SETD1A: variants seen among roughly 807,000 people sequenced by gnomAD.
The protein encoded by SETD1A is histone-lysine N-methyltransferase SETD1A.
In SETD1A, 29 loss-of-function variants were observed where a neutral mutation model predicts 149.9. The observed-to-expected ratio is 0.19, with a 90% CI of 0.14 to 0.26. SETD1A has a LOEUF of 0.26. SETD1A is among the 10% of genes least tolerant of loss of function. SETD1A has a pLI of 1.00. For synonymous variants in SETD1A, 1,141 were observed against 968.5 expected, an observed-to-expected ratio of 1.18 and a Z score of -3.31; for missense variants, 2,109 against 2,353.1, an observed-to-expected ratio of 0.90 and a Z score of 2.15.
At position 30,984,078 on chromosome 16, in the gene SETD1A, T is replaced by C; in HGVS notation, c.*55T>C. ...ATTTATTCCCCCTGGTGCCCTGAGC[T>C]CCCAGCACCCCCCCAGCCTTAGTGG... On this transcript the variant is annotated 3_prime_UTR_variant, in exon 19 of 19. Transcript: ENST00000262519. The C allele has an allele frequency of 6.6e-7, 1 of 1,512,942 alleles. No homozygotes were observed. The allele number at this position is 1,512,942 out of a possible 1,614,324, so 93.7% of individuals were successfully genotyped here.
At position 30,958,810 on chromosome 16, in the gene SETD1A, G is replaced by A; in HGVS notation, c.79G>A (p.Ala27Thr). The A allele has an allele frequency of 6.2e-7, 1 of 1,614,174 alleles. No homozygotes were observed. Among genetic ancestry groups the A allele is most frequent in the Non-Finnish European group, 8.5e-7 (1 of 1,179,982 alleles). ...WRNYKLIVDP[A>T]LDPALRRPSQ... ...GAACTACAAGCTCATCGTGGATCCT[G>A]CCTTGGACCCTGCCCTGCGCAGGCC... Residue 27 changes from alanine to threonine, a missense_variant, in exon 2 of 19, where the codon GCC becomes ACC. This residue lies in a region of SETD1A where 75 missense variants were observed against 95.3 expected (regional missense o/e 0.79). Transcript: ENST00000262519.
Position 30,965,918 on chromosome 16 carries a change from C to T in SETD1A, c.2037C>T (p.Ser679=). The T allele has an allele frequency of 6.2e-7, 1 of 1,612,688 alleles. No individual in the cohort carries two copies. The highest frequency in any genetic ancestry group is 8.5e-7 in the Non-Finnish European group (1 of 1,179,444). The change falls in exon 8 of 19, where the codon TCC becomes TCT. Residue 679 remains serine (S), a synonymous_variant. Coordinates refer to ENST00000262519, the MANE Select transcript of SETD1A (RefSeq NM_014712.3). ...LGAQWGGMPM[S]FQMQTQMLTR... ...CTCAGTGGGGAGGGATGCCCATGTC[C>T]TTCCAGATGCAGACCCAGATGTTAA... is the stretch of plus-strand genomic sequence containing the variant.
At chr16:30,960,521 A>G (rs1019714606) in intron 3 of SETD1A, among the ~76,000 whole-genome samples, 1 of 152,130 alleles carries the variant, frequency 6.6e-6, no homozygotes, top group East Asian at 1.9e-4. Context: ...AACACCATGT[A>G]TGCGTCAGCT....
In SETD1A at chr16:30,971,846, C is replaced by T. The variant is rs546034541; in HGVS notation, c.3358+127C>T. 1.1e-5 allele frequency: 14 copies of T among 1,225,724 alleles called. No homozygotes were observed. In the East Asian group the frequency reaches 2.8e-4, roughly 24 times the overall value. 75.9% of individuals were successfully genotyped at this position (1,225,724 alleles called of 1,614,324 possible). A position where few individuals can be genotyped will look rare whatever the true frequency, so the allele number is the denominator to read the frequency against. Reference sequence around the variant, plus strand: ...GAAAAACATACAAAGAAAATGTCACCATCTCCTGTCACTACCTTCTAGAGA... The same window carrying T: ...GAAAAACATACAAAGAAAATGTCACTATCTCCTGTCACTACCTTCTAGAGA... On this transcript the variant is annotated intron_variant, in intron 13 of 18. Transcript: ENST00000262519.
chr16:30,982,076 G>A (rs1320531810), intron 17 of SETD1A, among the ~76,000 whole-genome samples: 1 of 152,250 alleles, frequency 6.6e-6, no homozygotes, highest in East Asian at 1.9e-4. Context: ...TGGTGCTTGA[G>A]TAAAGCTGAA....
chr16:30,958,127 G>C (rs1316167129), intron 1 of SETD1A, among the ~76,000 whole-genome samples, 163 bp downstream of exon 1: 1 of 149,778 alleles, frequency 6.7e-6, no homozygotes, highest in Non-Finnish European at 1.5e-5. Flanking sequence ...GGGAGCGGGT[G>C]AGTGGGGCCG....
chr16:30,966,811 C>A (rs551206249), intron 8 of SETD1A, 73 bp from the exon 9 acceptor site: 1 of 1,452,918 alleles, frequency 6.9e-7, no homozygotes, highest in East Asian at 2.5e-5. Flanking sequence ...TCCTGGGGTC[C>A]GGGAGTAGGT....
At position 30,979,804 on chromosome 16, in the gene SETD1A, G is replaced by T; in HGVS notation, c.4018G>T (p.Glu1340Ter). ...SPADEVLEAP[E>*]VVVAEAEEPK... ...AGCTGATGAGGTCCTGGAGGCCCCCGAGGTGGTGGTGGCTGAGGCGGAGGA... is the reference window on the plus strand; with the variant it reads ...AGCTGATGAGGTCCTGGAGGCCCCCTAGGTGGTGGTGGCTGAGGCGGAGGA... The change falls in exon 14 of 19, where the codon GAG becomes TAG. Residue 1340 changes from glutamate (E) to a stop codon, truncating the protein, a stop_gained. Transcript: ENST00000262519. LOFTEE classifies it high-confidence loss of function. 1 of 1,573,328 alleles carries T rather than the reference G, an allele frequency of 6.4e-7. No homozygotes were observed.
At chr16:30,958,225 C>A in intron 1 of SETD1A, 1 of 152,052 alleles carries the variant, frequency 6.6e-6, no homozygotes, top group Non-Finnish European at 1.5e-5. Flanking sequence ...TTCCCCCCAC[C>A]CCCCCGCCCG....
rs2056200600 is a variant in SETD1A at position 30,969,677 on chromosome 16, G to A, written c.3004G>A (p.Glu1002Lys). ...TGTGGATACCACAAAGAAGGAGACAGAGGTGTCGGATGGTGAGCACAAGAC... is the reference window on the plus strand; with the variant it reads ...TGTGGATACCACAAAGAAGGAGACAAAGGTGTCGGATGGTGAGCACAAGAC... ...EAVDTTKKET[E>K]VSDGEDEESD... Residue 1002 changes from glutamate to lysine, a missense_variant, in exon 12 of 19, where the codon GAG becomes AAG. Coordinates refer to ENST00000262519, the MANE Select transcript of SETD1A (RefSeq NM_014712.3). The A allele has an allele frequency of 1.2e-6, 2 of 1,613,840 alleles. No individual in the cohort carries two copies. Among genetic ancestry groups the A allele is most frequent in the South Asian group, 1.1e-5 (1 of 91,082 alleles).
At chr16:30,963,940 C>T (rs1397357997) in intron 5 of SETD1A, among the ~76,000 whole-genome samples, 154 bp from the exon 6 acceptor site, 3 of 151,508 alleles carry the variant, frequency 2.0e-5, no homozygotes, top group East Asian at 1.9e-4. Context: ...TGCAGTGAGC[C>T]GAGATCACGC....
rs946065983 is a variant in SETD1A, at chr16:30,975,305, G to A, written c.3358+3586G>A. On this transcript the variant is annotated intron_variant, in intron 13 of 18. Transcript: ENST00000262519. ...AGCCTGGGCGACAGAGCGAGACTTC[G>A]TCTCAAAAAAAAGAATTGGGGGTTG... Among the ~76,000 whole-genome samples, 6 of 152,112 alleles carry A rather than the reference G, an allele frequency of 3.9e-5. No homozygotes were observed. In the South Asian group the frequency reaches 6.2e-4, roughly 16 times the overall value.
In SETD1A at chr16:30,983,804, G is replaced by A; in HGVS notation, c.4950+32G>A. 6.2e-7 allele frequency: 1 copy of A among 1,611,898 alleles called. No individual in the cohort carries two copies. Among genetic ancestry groups the A allele is most frequent in the Non-Finnish European group, 8.5e-7 (1 of 1,178,548 alleles). On this transcript the variant is annotated intron_variant, in intron 18 of 18. Transcript: ENST00000262519. The surrounding 1 kb of genome is among the most constrained non-coding windows in gnomAD (Gnocchi z 6.8). The stretch of plus-strand genomic sequence containing the variant: ...CAGGGGCCAGCCGGGGCAGGAGTTG[G>A]GGGTCGGTGGGGGTGGCCACGGCTC...
intron 13 of SETD1A, among the ~76,000 whole-genome samples, chr16:30,974,562 A>G (rs1409368548): frequency 3.3e-5 from 5 of 152,166 alleles, no homozygotes; most frequent in Non-Finnish European, 7.4e-5. Context: ...AGGCTGAGAT[A>G]GGAAGTATCT....
In SETD1A at chr16:30,984,137, C is replaced by T. The variant is rs539821166; in HGVS notation, c.*114C>T. 75 of 1,070,112 alleles carry T rather than the reference C, an allele frequency of 7.0e-5. No individual in the cohort carries two copies. Among genetic ancestry groups the T allele is most frequent in the Non-Finnish European group, 8.2e-5 (63 of 767,328 alleles). The allele number at this position is 1,070,112 out of a possible 1,614,324, so 66.3% of individuals were successfully genotyped here. On this transcript the variant is annotated 3_prime_UTR_variant, in exon 19 of 19. Transcript: ENST00000262519. ...GGGCCCACATGCCCCCATCTCCAAG[C>T]GTGGGGTTGGGGGCCCCAAGCCCAG...
At chr16:30,962,605 G>C (rs12597042) in intron 4 of SETD1A, among the ~76,000 whole-genome samples, 1 of 152,202 alleles carries the variant, frequency 6.6e-6, no homozygotes, top group Non-Finnish European at 1.5e-5. Flanking sequence ...GCACTGGCCA[G>C]TTTGCAAGTG....
At position 30,971,688 on chromosome 16, in the gene SETD1A, C is replaced by A. The variant is rs770057555; in HGVS notation, c.3327C>A (p.Pro1109=). ...CAGGCTCCCCAGTCACACCCCTGCC[C>A]GAACAGGAGGCGTCTCCAGCAAGGC... ...RVAGSPVTPL[P]EQEASPARPA... Residue 1109 remains proline (P), a synonymous_variant, in exon 13 of 19, where the codon CCC becomes CCA. Transcript: ENST00000262519. 1 of 1,589,136 alleles carries A rather than the reference C, an allele frequency of 6.3e-7. No homozygotes were observed. Among genetic ancestry groups the A allele is most frequent in the African/African-American group, 1.3e-5 (1 of 74,290 alleles).
intron 10 of SETD1A, among the ~76,000 whole-genome samples, chr16:30,968,634 C>G (rs1596680001): frequency 6.6e-6 from 1 of 151,918 alleles, no homozygotes. Context: ...AACCCCGTCT[C>G]TACTAACAAT....
chr16:30,966,233 C>T lies in SETD1A; in HGVS notation c.2352C>T (p.Thr784=). The part of the protein sequence containing the change: ...REEAELAEGK[T]LPTAGTVGRV... Reference sequence around the variant, plus strand: ...AAGCAGAGCTGGCAGAGGGCAAGACCCTCCCGACAGCAGGCACCGTGGGCC... The same window carrying T: ...AAGCAGAGCTGGCAGAGGGCAAGACTCTCCCGACAGCAGGCACCGTGGGCC... The change falls in exon 8 of 19, where the codon ACC becomes ACT. Residue 784 remains threonine, a synonymous_variant. Transcript: ENST00000262519. The T allele has an allele frequency of 6.2e-7, 1 of 1,613,714 alleles. No homozygotes were observed. Among genetic ancestry groups the T allele is most frequent in the Non-Finnish European group, 8.5e-7 (1 of 1,179,978 alleles).
Sources: gnomAD v4.1 joint callset for allele counts (sites outside exome capture counted in the v4.1 genomes callset) on GRCh38, gnomAD v4.1.1 for gene constraint, gnomAD v4.1.1 regional missense constraint, Gnocchi (gnomAD v3.1) non-coding constraint, MANE v1.5 for transcripts, NCBI Gene and HGNC (gene_info 2026-07-23, HGNC 2026-07-21) for gene names.